MTDH: variants seen among roughly 807,000 people sequenced by gnomAD.
MTDH encodes protein LYRIC.
A neutral mutation model predicts 72.7 loss-of-function variants in MTDH; 34 were observed. The observed-to-expected ratio is 0.47, with a 90% confidence interval of 0.36 to 0.62. The LOEUF is 0.62. Ranked by LOEUF, MTDH falls within the 20% of genes least tolerant of loss-of-function variation. The pLI, the probability that MTDH is intolerant of heterozygous loss-of-function variation, is 0.00. For missense variants in MTDH, 677 were observed against 699.4 expected (o/e 0.97, Z 0.36); for synonymous variants, 266 against 268.9 (o/e 0.99, Z 0.10).
chr8:97,668,580 G>GC (rs1311865905), intron 2 of MTDH, among the ~76,000 whole-genome samples: 26 of 151,702 alleles, frequency 1.7e-4, no homozygotes, highest in Non-Finnish European at 3.2e-4. Flanking sequence ...TTGAGACAGA[G>GC]TCTAGCTCTT....
At chr8:97,688,863 T>G (rs1813472196) in intron 4 of MTDH, among the ~76,000 whole-genome samples, 175 bp from the exon 5 acceptor site, 1 of 152,238 alleles carries the variant, frequency 6.6e-6, no homozygotes, top group African/African-American at 2.4e-5. Context: ...ACTCAGTTCC[T>G]TACCAACAAG....
chr8:97,681,491 CTT>C (rs35262209), intron 2 of MTDH, among the ~76,000 whole-genome samples: 12 of 108,848 alleles, frequency 1.1e-4, no homozygotes, highest in Admixed American at 2.0e-4. Context: ...AGAATTTTTT[CTT>C]TTTTTTTTTT....
chr8:97,717,010 G>A (rs1040860140), intron 9 of MTDH, among the ~76,000 whole-genome samples: 1 of 152,162 alleles, frequency 6.6e-6, no homozygotes, highest in Non-Finnish European at 1.5e-5. Context: ...GTGTGTGGCT[G>A]ATGGGGTCTT....
At chr8:97,693,657 T>C (rs1320565725) in intron 6 of MTDH, among the ~76,000 whole-genome samples, 4 of 152,148 alleles carry the variant, frequency 2.6e-5, no homozygotes, top group Non-Finnish European at 4.4e-5. Flanking sequence ...CTTTTATGAA[T>C]TGTCTGTTCT....
chr8:97,708,196 C>A (rs1814442879), intron 8 of MTDH, among the ~76,000 whole-genome samples: 1 of 149,264 alleles, frequency 6.7e-6, no homozygotes, highest in Admixed American at 6.7e-5. Flanking sequence ...AACTCCTGAC[C>A]TCAAGTGATC....
chr8:97,658,811 A>G (rs1265443331), intron 1 of MTDH, among the ~76,000 whole-genome samples: 4 of 152,196 alleles, frequency 2.6e-5, no homozygotes, highest in African/African-American at 9.7e-5. Flanking sequence ...TTGGCCAGAG[A>G]AGATAGCATG....
At position 97,727,702 on chromosome 8, in the gene MTDH, A is replaced by G. The variant is rs1205704452; in HGVS notation, c.*3032A>G. 2 of 152,056 alleles carry G rather than the reference A, an allele frequency of 1.3e-5. No homozygotes were observed. Among genetic ancestry groups the G allele is most frequent in the Non-Finnish European group, 2.9e-5 (2 of 68,000 alleles). 9.4% of individuals were successfully genotyped at this position (152,056 alleles called of 1,614,324 possible). A position where few individuals can be genotyped will look rare whatever the true frequency, so the allele number is the denominator to read the frequency against. On this transcript the variant is annotated 3_prime_UTR_variant, in exon 12 of 12. Transcript: ENST00000336273. ...GGAGGGGAACCTTGCTCATGTTAGC[A>G]AGAAAGGTATCCTAGAGAAGCCACT... is the stretch of plus-strand genomic sequence containing the variant.
chr8:97,713,587 T>C, intron 8 of MTDH, 75 bp from the exon 9 acceptor site: 2 of 834,206 alleles, frequency 2.4e-6, no homozygotes, highest in South Asian at 2.1e-5. Flanking sequence ...TGAATGAAAT[T>C]ATTTCATAAT....
At chr8:97,722,687 A>G (rs751522143) in intron 10 of MTDH, among the ~76,000 whole-genome samples, 192 bp from the exon 11 acceptor site, 75 of 152,216 alleles carry the variant, frequency 4.9e-4, no homozygotes, top group Non-Finnish European at 1.0e-3. Flanking sequence ...TTATCTCAAC[A>G]TATATTCATA....
chr8:97,684,220 T>C (rs1485211724), intron 2 of MTDH, among the ~76,000 whole-genome samples: 1 of 152,176 alleles, frequency 6.6e-6, no homozygotes, highest in Non-Finnish European at 1.5e-5. Flanking sequence ...AGACTTACTT[T>C]GTTTTCTTTT....
chr8:97,667,275 T>A (rs1031587945), intron 2 of MTDH, among the ~76,000 whole-genome samples: 5 of 152,128 alleles, frequency 3.3e-5, no homozygotes, highest in African/African-American at 1.2e-4. Context: ...CATCTCATTG[T>A]ATTTTTTACT....
At chr8:97,710,704 A>T (rs1814592388) in intron 8 of MTDH, among the ~76,000 whole-genome samples, 1 of 148,686 alleles carries the variant, frequency 6.7e-6, no homozygotes, top group South Asian at 2.3e-4. Context: ...AAAAAAAAAA[A>T]AAAAAATAGA....
chr8:97,697,189 C>A (rs1206414778), intron 6 of MTDH, among the ~76,000 whole-genome samples: 1 of 126,346 alleles, frequency 7.9e-6, no homozygotes, highest in African/African-American at 3.2e-5. Flanking sequence ...TTTTGTAGTT[C>A]CGCAGCGTCT....
In MTDH at chr8:97,703,002, A is replaced by C. The variant is rs574694897; in HGVS notation, c.1147+3150A>C. On this transcript the variant is annotated intron_variant, in intron 7 of 11. Coordinates refer to ENST00000336273, the MANE Select transcript of MTDH (RefSeq NM_178812.4). ...AGAAATTATAATTGAAGCAAACTAT[A>C]CTGTGAATCATTTTTAAGGGAACTA... Among the ~76,000 whole-genome samples the C allele has an allele frequency of 4.3e-4, 66 of 152,354 alleles. 1 individual carries two copies. The South Asian group carries it at 0.013, about 31-fold the overall frequency.
intron 11 of MTDH, among the ~76,000 whole-genome samples, chr8:97,724,118 AATCT>A (rs1241630620): frequency 4.6e-5 from 7 of 152,176 alleles, no homozygotes; most frequent in South Asian, 2.1e-4. Flanking sequence ...ATAAATGATC[AATCT>A]ATCTATCTAT....
rs897403567 is a variant in MTDH at position 97,728,384 on chromosome 8, C to T, written c.*3714C>T. Reference sequence around the variant, plus strand: ...CTAAAACCATAGGTGCAAGCTTTGCCGCTGGGAAGTCATATTGAATTAAGC... The same window carrying T: ...CTAAAACCATAGGTGCAAGCTTTGCTGCTGGGAAGTCATATTGAATTAAGC... On this transcript the variant is annotated 3_prime_UTR_variant, in exon 12 of 12. Coordinates refer to ENST00000336273, the MANE Select transcript of MTDH (RefSeq NM_178812.4). 2 of 152,078 alleles carry T rather than the reference C, an allele frequency of 1.3e-5. No individual in the cohort carries two copies. The highest frequency in any genetic ancestry group is 2.9e-5 in the Non-Finnish European group (2 of 68,022). 9.4% of individuals were successfully genotyped at this position (152,078 alleles called of 1,614,324 possible).
In MTDH at chr8:97,711,581, A is replaced by G. The variant is rs554228573; in HGVS notation, c.1273-2081A>G. 1.9e-3 allele frequency among the ~76,000 whole-genome samples: 284 copies of G among 152,264 alleles called. 1 individual carries two copies. The highest frequency in any genetic ancestry group is 2.9e-3 in the South Asian group (14 of 4,826). The stretch of plus-strand genomic sequence containing the variant: ...CCCAGTGGTAACATGTTAAAAAACC[A>G]TAATACTGTACAGTAGCACAGTAGC... On this transcript the variant is annotated intron_variant, in intron 8 of 11. Transcript: ENST00000336273.
intron 2 of MTDH, among the ~76,000 whole-genome samples, chr8:97,682,259 T>C (rs1563542427): frequency 3.9e-4 from 3 of 7,692 alleles, no homozygotes; most frequent in African/African-American, 1.5e-3. Context: ...TATATATATA[T>C]ATATATATAT....
chr8:97,670,446 G>A (rs568371454), intron 2 of MTDH, among the ~76,000 whole-genome samples: 6 of 152,226 alleles, frequency 3.9e-5, no homozygotes, highest in African/African-American at 1.2e-4. Flanking sequence ...GTGAAGCCCC[G>A]TCTCTACTAA....
Sources: allele counts gnomAD v4.1 joint callset (sites outside exome capture counted in the v4.1 genomes callset), GRCh38; gene constraint gnomAD v4.1.1; transcripts MANE v1.5; gene names NCBI Gene and HGNC (gene_info 2026-07-23, HGNC 2026-07-21).